The following LINGO2 variants were observed in gnomAD, a reference collection of about 807,000 sequenced individuals.
The protein encoded by LINGO2 is leucine rich repeat and Ig domain containing 2.
Under a neutral mutation model 30.6 loss-of-function variants are expected in LINGO2, and 14 were observed. That is an observed-to-expected ratio of 0.46 (90% confidence interval 0.30 to 0.72). The LOEUF is 0.72. LINGO2 is among the 30% of genes least tolerant of loss of function. LINGO2 has a pLI of 0.07. For synonymous variants in LINGO2, 317 were observed against 288.5 expected (o/e 1.10, Z -1.00); for missense variants, 729 against 751.7 (o/e 0.97, Z 0.35).
At chr9:28,634,604 G>A (rs10968695) in intron 1 of LINGO2, among the ~76,000 whole-genome samples, 1 of 150,042 alleles carries the variant, frequency 6.7e-6, no homozygotes, top group Admixed American at 6.7e-5. Flanking sequence ...TCGTGCCTCA[G>A]CCTCCCGAGT....
the LINGO2 span, among the ~76,000 whole-genome samples, chr9:29,065,317 T>C: frequency 6.6e-6 from 1 of 152,286 alleles, no homozygotes; most frequent in Non-Finnish European, 1.5e-5. Context: ...GCAATTGCTT[T>C]TGGAGTCTTC....
the LINGO2 span, among the ~76,000 whole-genome samples, chr9:28,843,827 C>T: frequency 6.6e-6 from 1 of 151,724 alleles, no homozygotes; most frequent in Non-Finnish European, 1.5e-5. Flanking sequence ...TTTCCCTGAG[C>T]TTACTATGTA....
the LINGO2 span, among the ~76,000 whole-genome samples, chr9:28,796,202 G>C: frequency 2.0e-5 from 3 of 152,080 alleles, no homozygotes; most frequent in Admixed American, 2.0e-4. Flanking sequence ...CAAAGAGGCA[G>C]AGGATAGAGC....
chr9:29,169,337 A>G, the LINGO2 span, among the ~76,000 whole-genome samples: 1 of 152,170 alleles, frequency 6.6e-6, no homozygotes, highest in Non-Finnish European at 1.5e-5. Context: ...AGCCTTTGTG[A>G]GAAGTATGCA....
chr9:28,159,460 C>A (rs2133590988), intron 4 of LINGO2, among the ~76,000 whole-genome samples: 1 of 151,818 alleles, frequency 6.6e-6, no homozygotes, highest in Admixed American at 6.6e-5. Context: ...TTTCATTTTT[C>A]ATTGACAAAT....
chr9:28,150,842 G>A (rs771722625), intron 4 of LINGO2, among the ~76,000 whole-genome samples: 3 of 152,196 alleles, frequency 2.0e-5, no homozygotes, highest in Non-Finnish European at 2.9e-5. Flanking sequence ...GGTCGCCATA[G>A]TTAGTCGCTT....
chr9:28,762,032 G>T, the LINGO2 span, among the ~76,000 whole-genome samples: 1 of 151,338 alleles, frequency 6.6e-6, no homozygotes, highest in Non-Finnish European at 1.5e-5. Flanking sequence ...CTGTACCTTT[G>T]TGGACAGGAT....
the LINGO2 span, among the ~76,000 whole-genome samples, chr9:29,199,530 G>A: frequency 7.9e-5 from 12 of 152,086 alleles, no homozygotes; most frequent in Non-Finnish European, 1.5e-4. Flanking sequence ...GTCAGAGGCA[G>A]CATCCTTGAA....
chr9:28,938,446 A>G, the LINGO2 span, among the ~76,000 whole-genome samples: 2 of 152,194 alleles, frequency 1.3e-5, no homozygotes, highest in Admixed American at 1.3e-4. Context: ...ATTATAGTAT[A>G]TACTACATAT....
At chr9:28,919,517 G>A in the LINGO2 span, among the ~76,000 whole-genome samples, 3 of 152,028 alleles carry the variant, frequency 2.0e-5, no homozygotes, top group East Asian at 1.9e-4. Flanking sequence ...AGCACACAAG[G>A]ACCAGTAGTC....
intron 2 of LINGO2, among the ~76,000 whole-genome samples, chr9:28,405,069 G>A (rs747273740): frequency 1.3e-4 from 20 of 152,016 alleles, no homozygotes; most frequent in African/African-American, 3.9e-4. Flanking sequence ...TGCCTTTCTC[G>A]TTAGGAGATA....
intron 4 of LINGO2, among the ~76,000 whole-genome samples, chr9:28,194,577 AAAAT>A (rs1451422806): frequency 1.3e-5 from 2 of 151,104 alleles, no homozygotes; most frequent in Non-Finnish European, 1.5e-5. Flanking sequence ...AAAAAAAAAA[AAAAT>A]GGCTAAATTC....
the LINGO2 span, among the ~76,000 whole-genome samples, chr9:28,892,237 A>G: frequency 1.3e-5 from 2 of 151,980 alleles, no homozygotes; most frequent in East Asian, 3.8e-4. Context: ...ACTGAGCTCT[A>G]AGAGGTCAAG....
intron 4 of LINGO2, among the ~76,000 whole-genome samples, chr9:28,195,562 A>G (rs1050431286): frequency 6.6e-6 from 1 of 150,786 alleles, no homozygotes; most frequent in Non-Finnish European, 1.5e-5. Flanking sequence ...ATATTAAAAG[A>G]TTGATTTTTT....
At chr9:28,233,656 G>T (rs1053290307) in intron 4 of LINGO2, among the ~76,000 whole-genome samples, 1 of 152,164 alleles carries the variant, frequency 6.6e-6, no homozygotes, top group Non-Finnish European at 1.5e-5. Flanking sequence ...AGCAAGTACA[G>T]CTCATAGCAA....
chr9:28,737,749 T>A, the LINGO2 span, among the ~76,000 whole-genome samples: 2 of 151,438 alleles, frequency 1.3e-5, no homozygotes, highest in Admixed American at 1.3e-4. Flanking sequence ...ACAAAAATTA[T>A]TTTTTTTTCT....
the LINGO2 span, among the ~76,000 whole-genome samples, chr9:28,678,143 TA>T: frequency 0.25 from 35,588 of 144,324 alleles, 4,400 homozygotes; most frequent in East Asian, 0.32. Flanking sequence ...CTTTGAATAT[TA>T]AAAAAAAAAA....
At chr9:28,190,723 C>G (rs1261774906) in intron 4 of LINGO2, among the ~76,000 whole-genome samples, 1 of 152,044 alleles carries the variant, frequency 6.6e-6, no homozygotes, top group Non-Finnish European at 1.5e-5. Flanking sequence ...TTAAACCAGC[C>G]CGGACATTCT....
chr9:28,693,735 A>G, the LINGO2 span, among the ~76,000 whole-genome samples: 3 of 152,108 alleles, frequency 2.0e-5, no homozygotes, highest in Admixed American at 2.0e-4. Context: ...AACCTGAAAA[A>G]TAATTACTGG....
Sources: allele counts gnomAD v4.1 joint callset (sites outside exome capture counted in the v4.1 genomes callset), GRCh38; gene constraint gnomAD v4.1.1; transcripts MANE v1.5; gene names NCBI Gene and HGNC (gene_info 2026-07-23, HGNC 2026-07-21).